GABRA3: variants seen among roughly 807,000 people sequenced by gnomAD.
GABRA3 encodes the protein gamma-aminobutyric acid receptor subunit alpha-3.
In GABRA3, 10 loss-of-function variants were observed where a neutral mutation model predicts 30.1. That is an observed-to-expected ratio of 0.33 (90% CI 0.20 to 0.56). The LOEUF (loss-of-function observed/expected upper bound fraction) is 0.56, where lower values mean the gene tolerates loss of function less well. Among genes scored for constraint, GABRA3 ranks in the 20% least tolerant of loss-of-function variants. GABRA3 has a pLI of 0.89. For missense variants in GABRA3, 233 were observed against 392.0 expected, an observed-to-expected ratio of 0.59 and a Z score of 3.42; for synonymous variants, 151 against 146.8, an observed-to-expected ratio of 1.03 and a Z score of -0.21.
chrX:152,303,557 C>T (rs1241529533), intron 3 of GABRA3, among the ~76,000 whole-genome samples: 2 of 111,730 alleles, frequency 1.8e-5, no homozygotes, highest in East Asian at 5.6e-4. Flanking sequence ...GACTTGTAAC[C>T]AACCCAAATG....
At chrX:152,388,892 G>A (rs1219852839) in intron 1 of GABRA3, among the ~76,000 whole-genome samples, 1 of 109,563 alleles carries the variant, frequency 9.1e-6, no homozygotes. Flanking sequence ...TTGCTGCAAG[G>A]CATGCAACAG....
chrX:152,354,464 A>C (rs767964168), intron 2 of GABRA3, among the ~76,000 whole-genome samples: 14 of 112,085 alleles, frequency 1.2e-4, no homozygotes, highest in Non-Finnish European at 2.3e-4. Context: ...ATCTCAAAAA[A>C]ATGGCTTAAT....
chrX:152,197,139 T>A (rs1051548814), intron 8 of GABRA3, among the ~76,000 whole-genome samples: 8 of 112,340 alleles, frequency 7.1e-5, no homozygotes, highest in African/African-American at 2.6e-4. Context: ...AGAAAATGGC[T>A]TTGATCGTGG....
chrX:152,178,264 G>GTT (rs1405576459), intron 9 of GABRA3, among the ~76,000 whole-genome samples: 1 of 110,522 alleles, frequency 9.0e-6, no homozygotes, highest in Non-Finnish European at 1.9e-5. Flanking sequence ...GTGTGTGTGT[G>GTT]TGCGTGTGTG....
chrX:152,446,474 C>T (rs1931090286), intron 1 of GABRA3, among the ~76,000 whole-genome samples: 1 of 109,791 alleles, frequency 9.1e-6, no homozygotes, highest in South Asian at 4.0e-4. Flanking sequence ...TAACACTGTA[C>T]TCTTCTAATT....
intron 2 of GABRA3, among the ~76,000 whole-genome samples, chrX:152,358,504 T>C (rs1397669931): frequency 5.4e-5 from 6 of 111,641 alleles, no homozygotes; most frequent in Non-Finnish European, 1.1e-4. Context: ...ATAGTTAGAC[T>C]CCCTATCTTC....
chrX:152,242,450 A>G (rs1938395880), intron 5 of GABRA3, among the ~76,000 whole-genome samples: 1 of 112,170 alleles, frequency 8.9e-6, no homozygotes, highest in Non-Finnish European at 1.9e-5. Context: ...TGCACATCCA[A>G]GGAAACAGTT....
chrX:152,334,910 G>A (rs773332336), intron 3 of GABRA3, among the ~76,000 whole-genome samples: 23 of 111,106 alleles, frequency 2.1e-4, no homozygotes, highest in African/African-American at 7.2e-4. Context: ...GTGCAACCAA[G>A]AACACAGGGC....
intron 1 of GABRA3, among the ~76,000 whole-genome samples, chrX:152,376,393 C>A (rs1212415796): frequency 9.0e-6 from 1 of 111,113 alleles, no homozygotes; most frequent in Non-Finnish European, 1.9e-5. Context: ...TCTCAACCTA[C>A]AAAATTAACT....
intron 1 of GABRA3, among the ~76,000 whole-genome samples, chrX:152,370,299 G>A (rs1170398237): frequency 9.0e-6 from 1 of 111,540 alleles, no homozygotes; most frequent in Non-Finnish European, 1.9e-5. Context: ...TCCCTGTTTG[G>A]ATGACATGAG....
At chrX:152,334,267 T>G (rs983047203) in intron 3 of GABRA3, among the ~76,000 whole-genome samples, 3 of 111,712 alleles carry the variant, frequency 2.7e-5, no homozygotes, top group Non-Finnish European at 5.6e-5. Flanking sequence ...ATATTTAATG[T>G]TGAAAGACTG....
At chrX:152,282,180 C>A (rs755866058) in intron 4 of GABRA3, among the ~76,000 whole-genome samples, 1 of 111,695 alleles carries the variant, frequency 9.0e-6, no homozygotes, top group Non-Finnish European at 1.9e-5. Flanking sequence ...CCTTTGTGAA[C>A]AAAAGACTGC....
intron 3 of GABRA3, among the ~76,000 whole-genome samples, chrX:152,304,464 T>C (rs961010985): frequency 8.9e-6 from 1 of 112,162 alleles, no homozygotes; most frequent in African/African-American, 3.2e-5. Flanking sequence ...CCATCTGGAG[T>C]TGATTTTCTA....
chrX:152,435,340 C>CA (rs1930751528), intron 1 of GABRA3, among the ~76,000 whole-genome samples: 1 of 111,412 alleles, frequency 9.0e-6, no homozygotes, highest in Non-Finnish European at 1.9e-5. Context: ...GACTTGGTAC[C>CA]AACCCAAATG....
At chrX:152,364,669 T>A in intron 1 of GABRA3, 73 bp from the exon 2 acceptor site, 3 of 768,143 alleles carry the variant, frequency 3.9e-6, no homozygotes, top group Non-Finnish European at 3.7e-6. Context: ...GAGAAAGAGG[T>A]AAAAAAGAGA....
intron 7 of GABRA3, among the ~76,000 whole-genome samples, chrX:152,199,202 T>TA (rs1335731963): frequency 3.7e-5 from 4 of 107,621 alleles, no homozygotes; most frequent in East Asian, 2.9e-4. Flanking sequence ...CCATCTCTAC[T>TA]AAAAATACAA....
chrX:152,334,989 T>C (rs1300282003), intron 3 of GABRA3, among the ~76,000 whole-genome samples: 1 of 111,487 alleles, frequency 9.0e-6, no homozygotes, highest in Non-Finnish European at 1.9e-5. Flanking sequence ...GCATTTCTCA[T>C]CCAGGAATAA....
At chrX:152,179,740 C>T (rs778202319) in intron 9 of GABRA3, among the ~76,000 whole-genome samples, 56 of 110,693 alleles carry the variant, frequency 5.1e-4, no homozygotes, top group South Asian at 2.3e-3. Flanking sequence ...GTGATCTGCC[C>T]GCTTCAGTCT....
intron 1 of GABRA3, among the ~76,000 whole-genome samples, chrX:152,445,773 C>T: frequency 9.0e-6 from 1 of 111,564 alleles, no homozygotes; most frequent in East Asian, 2.8e-4. Flanking sequence ...CCTCCCCCCA[C>T]CGTATTTTAC....
Sources: allele counts gnomAD v4.1 joint callset (sites outside exome capture counted in the v4.1 genomes callset), GRCh38; gene constraint gnomAD v4.1.1; transcripts MANE v1.5; gene names NCBI Gene and HGNC (gene_info 2026-07-23, HGNC 2026-07-21).